Variants in GRID2 observed in about 807,000 individuals in gnomAD.
The protein encoded by GRID2 is glutamate receptor ionotropic, delta-2.
In GRID2, 33 loss-of-function variants were observed where a neutral mutation model predicts 114.8. That is an observed-to-expected ratio of 0.29 (90% CI 0.22 to 0.38). GRID2 has a LOEUF of 0.38. Among genes scored for constraint, GRID2 ranks in the 10% least tolerant of loss-of-function variants. The pLI is 1.00. For missense variants in GRID2, 1,184 were observed against 1,257.7 expected (o/e 0.94, Z 0.89); for synonymous variants, 505 against 449.9 (o/e 1.12, Z -1.55).
At chr4:93,140,486 T>A (rs1162684864) in intron 4 of GRID2, among the ~76,000 whole-genome samples, 1 of 152,152 alleles carries the variant, frequency 6.6e-6, no homozygotes, top group Non-Finnish European at 1.5e-5. Context: ...TTATGGACAG[T>A]TGGCATTTGC....
chr4:92,638,463 A>G (rs979359688), intron 2 of GRID2, among the ~76,000 whole-genome samples: 5 of 147,678 alleles, frequency 3.4e-5, no homozygotes, highest in African/African-American at 1.2e-4. Context: ...TAAAATACAT[A>G]TATGTATAAT....
intron 2 of GRID2, among the ~76,000 whole-genome samples, chr4:92,880,969 C>A (rs1332124603): frequency 1.3e-5 from 2 of 152,144 alleles, no homozygotes; most frequent in African/African-American, 4.8e-5. Context: ...GTGGCACTAT[C>A]TCGGCTCACT....
intron 1 of GRID2, among the ~76,000 whole-genome samples, chr4:92,331,432 T>C (rs373416093): frequency 6.6e-6 from 1 of 152,124 alleles, no homozygotes; most frequent in African/African-American, 2.4e-5. Flanking sequence ...GGAAAAGAAT[T>C]TGCCTTACAT....
intron 2 of GRID2, among the ~76,000 whole-genome samples, chr4:93,069,250 A>G (rs965717519): frequency 6.8e-6 from 1 of 146,672 alleles, no homozygotes; most frequent in African/African-American, 2.6e-5. Flanking sequence ...ATAATTATAT[A>G]TTATATATGT....
chr4:93,529,573 A>G (rs779742799), intron 13 of GRID2, among the ~76,000 whole-genome samples: 1 of 152,140 alleles, frequency 6.6e-6, no homozygotes, highest in African/African-American at 2.4e-5. Flanking sequence ...CACTCACTTT[A>G]TTATGTTGCC....
intron 2 of GRID2, among the ~76,000 whole-genome samples, chr4:92,970,010 T>C (rs1446618709): frequency 2.0e-5 from 3 of 151,974 alleles, no homozygotes; most frequent in African/African-American, 7.2e-5. Context: ...ATTTCCGGGC[T>C]AACAATGGAA....
intron 4 of GRID2, among the ~76,000 whole-genome samples, chr4:93,149,696 C>T (rs1286738097): frequency 6.6e-6 from 1 of 152,004 alleles, no homozygotes; most frequent in Non-Finnish European, 1.5e-5. Context: ...TATGGTGGCA[C>T]AATCATAACT....
chr4:92,499,807 G>T (rs1188067568), intron 1 of GRID2, among the ~76,000 whole-genome samples: 2 of 152,140 alleles, frequency 1.3e-5, no homozygotes, highest in Non-Finnish European at 2.9e-5. Context: ...TAGACACAGG[G>T]TTTCACCATG....
chr4:92,554,174 A>G (rs149540406), intron 1 of GRID2, among the ~76,000 whole-genome samples: 6 of 152,306 alleles, frequency 3.9e-5, no homozygotes, highest in Middle Eastern at 3.4e-3. Context: ...GAGATTGCAA[A>G]GGGGCAATTA....
chr4:92,853,615 T>C (rs1743979451), intron 2 of GRID2, among the ~76,000 whole-genome samples: 1 of 152,056 alleles, frequency 6.6e-6, no homozygotes, highest in South Asian at 2.1e-4. Flanking sequence ...TTTAATATAA[T>C]TTATATATTT....
chr4:93,045,945 A>G (rs1726097358), intron 2 of GRID2, among the ~76,000 whole-genome samples: 1 of 152,114 alleles, frequency 6.6e-6, no homozygotes, highest in African/African-American at 2.4e-5. Context: ...GATAGCAGTA[A>G]AATCAATAAT....
chr4:92,508,160 G>A (rs1323504431), intron 1 of GRID2, among the ~76,000 whole-genome samples: 1 of 151,774 alleles, frequency 6.6e-6, no homozygotes, highest in Non-Finnish European at 1.5e-5. Context: ...CACAGTTTTT[G>A]AAAAAGTGTC....
At chr4:92,698,301 G>T (rs1734515858) in intron 2 of GRID2, among the ~76,000 whole-genome samples, 1 of 152,082 alleles carries the variant, frequency 6.6e-6, no homozygotes. Flanking sequence ...AAGAAGTAAA[G>T]TCCACTAAAG....
intron 2 of GRID2, among the ~76,000 whole-genome samples, chr4:92,889,053 C>A (rs991474596): frequency 2.0e-5 from 3 of 151,844 alleles, no homozygotes; most frequent in African/African-American, 7.3e-5. Flanking sequence ...CAGTGCAAAC[C>A]AAGACAGTAT....
Position 92,979,848 on chromosome 4 carries a change from C to G in GRID2, c.245-105147C>G, listed in dbSNP as rs187555884. Among the ~76,000 whole-genome samples, 446 of 152,230 alleles carry G rather than the reference C, an allele frequency of 2.9e-3. 1 individual carries two copies. Among genetic ancestry groups the G allele is most frequent in the African/African-American group, 0.01 (435 of 41,560 alleles). ...TTTAGCAAATTTAGCTCAGCTGGCACTTATAAAAAAGCCATTGCCAGAATG... is the reference window on the plus strand; with the variant it reads ...TTTAGCAAATTTAGCTCAGCTGGCAGTTATAAAAAAGCCATTGCCAGAATG... On this transcript the variant is annotated intron_variant, in intron 2 of 15. Transcript: ENST00000282020.
At chr4:92,675,805 C>T (rs1733325515) in intron 2 of GRID2, among the ~76,000 whole-genome samples, 1 of 152,050 alleles carries the variant, frequency 6.6e-6, no homozygotes, top group African/African-American at 2.4e-5. Context: ...CCACCCGCCT[C>T]AGCCTCCCAA....
chr4:92,590,780 C>T (rs1202434831), intron 2 of GRID2, among the ~76,000 whole-genome samples: 1 of 152,148 alleles, frequency 6.6e-6, no homozygotes, highest in Non-Finnish European at 1.5e-5. Context: ...AAATTTTACT[C>T]TCTACGAGGC....
intron 2 of GRID2, among the ~76,000 whole-genome samples, chr4:92,669,806 A>T (rs776537753): frequency 6.6e-6 from 1 of 152,006 alleles, no homozygotes; most frequent in Non-Finnish European, 1.5e-5. Context: ...TATCCCTTTC[A>T]ATTTTGTATT....
At chr4:93,566,863 T>C (rs1386373244) in intron 13 of GRID2, among the ~76,000 whole-genome samples, 1 of 152,182 alleles carries the variant, frequency 6.6e-6, no homozygotes, top group Non-Finnish European at 1.5e-5. Context: ...TTAACACACC[T>C]GACTCTTTAA....
Sources: allele counts gnomAD v4.1 joint callset (sites outside exome capture counted in the v4.1 genomes callset), GRCh38; gene constraint gnomAD v4.1.1; transcripts MANE v1.5; gene names NCBI Gene and HGNC (gene_info 2026-07-23, HGNC 2026-07-21).